The following GABARAPL1 variants were observed in gnomAD, a reference collection of about 807,000 sequenced individuals.
The protein encoded by GABARAPL1 is gamma-aminobutyric acid receptor-associated protein-like 1.
Under a neutral mutation model 14.5 loss-of-function variants are expected in GABARAPL1, and 4 were observed. The ratio of observed to expected loss-of-function variants is 0.28; its 90% confidence interval spans 0.14 to 0.63. The LOEUF (loss-of-function observed/expected upper bound fraction) is 0.63, where lower values mean the gene tolerates loss of function less well. Ranked by LOEUF, GABARAPL1 falls within the 30% of genes least tolerant of loss-of-function variation. The pLI is 0.84. For synonymous variants in GABARAPL1, 47 were observed against 50.6 expected (o/e 0.93, Z 0.30); for missense variants, 82 against 139.2 (o/e 0.59, Z 2.07).
In GABARAPL1 at chr12:10,222,824, T is replaced by G. The variant is rs1949126784; in HGVS notation, c.*972T>G. On this transcript the variant is annotated 3_prime_UTR_variant, in exon 4 of 4. Coordinates refer to ENST00000266458, the MANE Select transcript of GABARAPL1 (RefSeq NM_031412.4). ...GGCTCACATGCACAGGAATGCTACATGATGGCCAGCTGCTTCCCTCCTTGG... is the reference window on the plus strand; with the variant it reads ...GGCTCACATGCACAGGAATGCTACAGGATGGCCAGCTGCTTCCCTCCTTGG... The G allele has an allele frequency of 6.6e-6, 1 of 152,504 alleles. No homozygotes were observed. Among genetic ancestry groups the G allele is most frequent in the Admixed American group, 6.5e-5 (1 of 15,278 alleles). 9.4% of individuals were successfully genotyped at this position (152,504 alleles called of 1,614,324 possible).
chr12:10,221,799 G>A lies in GABARAPL1; in HGVS notation c.301G>A (p.Glu101Lys). 6.2e-7 allele frequency: 1 copy of A among 1,613,974 alleles called. No individual in the cohort carries two copies. The highest frequency in any genetic ancestry group is 1.1e-5 in the South Asian group (1 of 91,074). The change falls in exon 4 of 4, where the codon GAA becomes AAA. Residue 101 changes from glutamate to lysine, a missense_variant. Transcript: ENST00000266458. ...MGQLYEDNHE[E>K]DYFLYVAYSD... is the part of the protein sequence containing the mutation. ...TCTCTTCCCCTAGGACAATCATGAG[G>A]AAGACTATTTTCTGTATGTGGCCTA... is the stretch of plus-strand genomic sequence containing the variant.
intron 1 of GABARAPL1, among the ~76,000 whole-genome samples, chr12:10,216,210 A>C (rs1350811966): frequency 6.6e-6 from 1 of 151,996 alleles, no homozygotes; most frequent in African/African-American, 2.4e-5. Flanking sequence ...TCTCTACTAA[A>C]AAATACAAAA....
intron 3 of GABARAPL1, chr12:10,221,229 T>C (rs1031627327): frequency 1.0e-6 from 1 of 976,758 alleles, no homozygotes; most frequent in Non-Finnish European, 1.2e-6. Context: ...GATTCATGTC[T>C]TAACAGATAA....
chr12:10,217,196 C>T (rs1487668721), intron 1 of GABARAPL1, among the ~76,000 whole-genome samples: 1 of 152,070 alleles, frequency 6.6e-6, no homozygotes, highest in African/African-American at 2.4e-5. Context: ...CTAACATAAT[C>T]AATATCTATA....
chr12:10,217,901 T>C (rs1949099388), intron 1 of GABARAPL1, among the ~76,000 whole-genome samples, 162 bp from the exon 2 acceptor site: 2 of 152,166 alleles, frequency 1.3e-5, no homozygotes, highest in African/African-American at 2.4e-5. Flanking sequence ...CCTATTTTTT[T>C]TGTATAATTT....
intron 1 of GABARAPL1, among the ~76,000 whole-genome samples, chr12:10,217,561 A>T (rs780433610): frequency 3.9e-5 from 6 of 152,114 alleles, no homozygotes; most frequent in African/African-American, 7.2e-5. Context: ...GTGAAACCGC[A>T]TCTCTCTTAA....
intron 3 of GABARAPL1, 120 bp from the exon 4 acceptor site, chr12:10,221,667 C>A: frequency 8.4e-7 from 1 of 1,189,962 alleles, no homozygotes; most frequent in Non-Finnish European, 1.2e-6. Flanking sequence ...CTTTGCTCCT[C>A]TTTTAAATGG....
rs113209676 is a variant in GABARAPL1, at chr12:10,218,062, G to C, written c.91-1G>C. On this transcript the variant is annotated splice_acceptor_variant, in intron 1 of 3. Transcript: ENST00000266458. LOFTEE classifies it high-confidence loss of function. ...TTCCTACTCTCCTCCTCTTCTTCCA[G>C]GTGATTGTAGAGAAGGCTCCAAAAG... 1 of 1,582,642 alleles carries C rather than the reference G, an allele frequency of 6.3e-7. No homozygotes were observed.
chr12:10,221,722 G>A, intron 3 of GABARAPL1, 65 bp from the exon 4 acceptor site: 1 of 1,569,060 alleles, frequency 6.4e-7, no homozygotes, highest in African/African-American at 1.3e-5. Flanking sequence ...GTTGTGTGAG[G>A]CTCAGCATCT....
chr12:10,221,982 C>A lies in GABARAPL1; in HGVS notation c.*130C>A. The A allele has an allele frequency of 1.4e-6, 1 of 721,934 alleles. No individual in the cohort carries two copies. Among genetic ancestry groups the A allele is most frequent in the Non-Finnish European group, 2.4e-6 (1 of 414,136 alleles). The allele number at this position is 721,934 out of a possible 1,614,324, so 44.7% of individuals were successfully genotyped here. A position where few individuals can be genotyped will look rare whatever the true frequency, so the allele number is the denominator to read the frequency against. On this transcript the variant is annotated 3_prime_UTR_variant, in exon 4 of 4. Coordinates refer to ENST00000266458, the MANE Select transcript of GABARAPL1 (RefSeq NM_031412.4). ...AAGGTGAAGACATCTAGAAACATTA[C>A]ACCACACACACCGTCATCACATTTT...
chr12:10,217,604 G>A (rs1381248549), intron 1 of GABARAPL1, among the ~76,000 whole-genome samples: 2 of 152,160 alleles, frequency 1.3e-5, no homozygotes, highest in African/African-American at 2.4e-5. Flanking sequence ...GTTGTGGCAT[G>A]TGCCTGTAAT....
intron 1 of GABARAPL1, among the ~76,000 whole-genome samples, chr12:10,217,056 A>G (rs1414542954): frequency 6.6e-6 from 1 of 152,228 alleles, no homozygotes; most frequent in African/African-American, 2.4e-5. Flanking sequence ...TCATGATTTT[A>G]TAACAGATAT....
chr12:10,217,837 T>C (rs749498036), intron 1 of GABARAPL1, among the ~76,000 whole-genome samples: 7 of 152,222 alleles, frequency 4.6e-5, no homozygotes, highest in Non-Finnish European at 8.8e-5. Flanking sequence ...CTTTTCATCA[T>C]ATACAATCTC....
At chr12:10,216,537 C>CTTTTTTTTTTTT (rs71049067) in intron 1 of GABARAPL1, among the ~76,000 whole-genome samples, 2 of 112,212 alleles carry the variant, frequency 1.8e-5, no homozygotes, top group Non-Finnish European at 3.6e-5. Context: ...ATTTTCTTTT[C>CTTTTTTTTTTTT]TTTTTTTTTT....
chr12:10,220,109 T>C (rs1949112225), intron 2 of GABARAPL1, among the ~76,000 whole-genome samples: 1 of 152,166 alleles, frequency 6.6e-6, no homozygotes, highest in African/African-American at 2.4e-5. Context: ...TAGACAGTGA[T>C]GGGAATGTTT....
chr12:10,213,333 A>C (rs1168018151), intron 1 of GABARAPL1, 114 bp downstream of exon 1: 1 of 724,110 alleles, frequency 1.4e-6, no homozygotes, highest in Non-Finnish European at 2.5e-6. Context: ...GGAGGTTCCG[A>C]GAATTACTTA....
intron 1 of GABARAPL1, among the ~76,000 whole-genome samples, chr12:10,216,887 T>C (rs1042140641): frequency 6.6e-6 from 1 of 152,200 alleles, no homozygotes; most frequent in Non-Finnish European, 1.5e-5. Context: ...GATTTTACAA[T>C]AGATATTTTC....
At chr12:10,220,373 C>A in intron 2 of GABARAPL1, 67 bp from the exon 3 acceptor site, 1 of 1,602,962 alleles carries the variant, frequency 6.2e-7, no homozygotes. Flanking sequence ...TTTTCCAGGA[C>A]TTACCCTTCT....
chr12:10,213,690 A>G (rs1222866456), intron 1 of GABARAPL1: 1 of 350,530 alleles, frequency 2.9e-6, no homozygotes, highest in Non-Finnish European at 5.7e-6. Flanking sequence ...TTTGGCTCTC[A>G]TATCATTGGT....
Sources: gnomAD v4.1 joint callset for allele counts (sites outside exome capture counted in the v4.1 genomes callset) on GRCh38, gnomAD v4.1.1 for gene constraint, MANE v1.5 for transcripts, NCBI Gene and HGNC (gene_info 2026-07-23, HGNC 2026-07-21) for gene names.